Variants in PGM3 observed in about 807,000 individuals in gnomAD.
PGM3 encodes phosphoacetylglucosamine mutase.
Under a neutral mutation model 66.2 loss-of-function variants are expected in PGM3, and 40 were observed. That is an observed-to-expected ratio of 0.60 (90% CI 0.47 to 0.79). The LOEUF (loss-of-function observed/expected upper bound fraction) is 0.79. Ranked by LOEUF, PGM3 falls within the 30% of genes least tolerant of loss-of-function variation. PGM3 has a pLI of 0.00. For missense variants in PGM3, 537 were observed against 643.4 expected, an observed-to-expected ratio of 0.83 and a Z score of 1.79; for synonymous variants, 191 against 224.2, an observed-to-expected ratio of 0.85 and a Z score of 1.32.
chr6:83,155,988 C>T, the PGM3 span: 2 of 1,614,022 alleles, frequency 1.2e-6, no homozygotes, highest in Non-Finnish European at 1.7e-6. Flanking sequence ...CACTTAATCT[C>T]TTTGCAAACC....
the PGM3 span, chr6:83,148,746 T>C: frequency 6.6e-7 from 1 of 1,516,350 alleles, no homozygotes; most frequent in Non-Finnish European, 8.8e-7. Context: ...GTATAAACTA[T>C]ATTATCTTGC....
chr6:83,169,928 G>C (rs1786741100), intron 12 of PGM3: 1 of 389,958 alleles, frequency 2.6e-6, no homozygotes, highest in Non-Finnish European at 4.9e-6. Flanking sequence ...GCTATCAGTT[G>C]ACTTAGAAAT....
At chr6:83,148,815 ACT>A in the PGM3 span, 1 of 1,554,606 alleles carries the variant, frequency 6.4e-7, no homozygotes, top group Non-Finnish European at 8.6e-7. Flanking sequence ...CTTCTGAAAG[ACT>A]CTATACAACT....
chr6:83,162,474 C>T (rs1784459289), downstream of PGM3, among the ~76,000 whole-genome samples: 1 of 152,092 alleles, frequency 6.6e-6, no homozygotes, highest in African/African-American at 2.4e-5. Context: ...GAACCTTATG[C>T]CTGTTCGCTA....
In PGM3 at chr6:83,165,989, G is replaced by C; in HGVS notation, c.*3245C>G. ...CATTTTTTGGAGCAAGTTTGGCTTT[G>C]GGAAGTGCTTTGGAGCTTCTTTCAG... On this transcript the variant is annotated 3_prime_UTR_variant, in exon 13 of 13. Coordinates refer to ENST00000513973, the MANE Select transcript of PGM3 (RefSeq NM_015599.3). 3.1e-6 allele frequency: 1 copy of C among 327,062 alleles called. No homozygotes were observed. Among genetic ancestry groups the C allele is most frequent in the East Asian group, 7.8e-5 (1 of 12,876 alleles). 20.3% of individuals were successfully genotyped at this position (327,062 alleles called of 1,614,324 possible).
At chr6:83,178,558 A>G (rs997143744) in intron 8 of PGM3, 115 bp downstream of exon 8, 2 of 696,754 alleles carry the variant, frequency 2.9e-6, no homozygotes, top group Non-Finnish European at 5.2e-6. Flanking sequence ...CCTTTACATG[A>G]ACAGCAGCTC....
At chr6:83,175,013 T>C (rs892858780) in intron 9 of PGM3, among the ~76,000 whole-genome samples, 1 of 152,160 alleles carries the variant, frequency 6.6e-6, no homozygotes, top group South Asian at 2.1e-4. Flanking sequence ...AAGAGTCTTA[T>C]CTCATTTGGA....
chr6:83,172,071 G>GAAACA lies in PGM3; in HGVS notation c.1243-17_1243-13dup. 1 of 1,611,554 alleles carries GAAACA rather than the reference G, an allele frequency of 6.2e-7. No individual in the cohort carries two copies. The highest frequency in any genetic ancestry group is 8.5e-7 in the Non-Finnish European group (1 of 1,179,312). ...GCATCACCAGCTGCCTGCAAATGGG[G>GAAACA]AAACAAATGGAAGAAACCACTTAAC... On this transcript the variant is annotated splice_polypyrimidine_tract_variant and intron_variant, in intron 10 of 12. Transcript: ENST00000513973.
rs1424466075 is a variant in PGM3, at chr6:83,173,982, C to T, written c.1242+392G>A. Among the ~76,000 whole-genome samples, 3 of 151,864 alleles carry T rather than the reference C, an allele frequency of 2.0e-5. 1 individual carries two copies. Among genetic ancestry groups the T allele is most frequent in the African/African-American group, 7.3e-5 (3 of 41,204 alleles). ...CGATCTCCTGACCTCGTGATCCGCCCTCCTTGGCCTCCCAAAGGGCTGGGA... is the reference window on the plus strand; with the variant it reads ...CGATCTCCTGACCTCGTGATCCGCCTTCCTTGGCCTCCCAAAGGGCTGGGA... On this transcript the variant is annotated intron_variant, in intron 10 of 12. Transcript: ENST00000513973.
rs187976111 is a variant in PGM3 at position 83,170,644 on chromosome 6, C to G, written c.1366-166G>C. ...ATTTCAACATTTGTGCAACTTTTCT[C>G]TTTTTCTTCAGTCTATAAAGAATTA... On this transcript the variant is annotated intron_variant, in intron 11 of 12. Transcript: ENST00000513973. 3.6e-5 allele frequency: 22 copies of G among 603,310 alleles called. No homozygotes were observed. The East Asian group carries it at 5.9e-4, about 16-fold the overall frequency. The allele number at this position is 603,310 out of a possible 1,614,324, so 37.4% of individuals were successfully genotyped here.
At position 83,180,939 on chromosome 6, in the gene PGM3, T is replaced by C. The variant is rs945348539; in HGVS notation, c.787+797A>G. 2.6e-5 allele frequency among the ~76,000 whole-genome samples: 4 copies of C among 152,220 alleles called. No homozygotes were observed. The East Asian group carries it at 7.7e-4, about 29-fold the overall frequency. On this transcript the variant is annotated intron_variant, in intron 6 of 12. Coordinates refer to ENST00000513973, the MANE Select transcript of PGM3 (RefSeq NM_015599.3). ...ATCTGACTGTAGTGGACTAATGCCA[T>C]GTGTGAACATTTTCTGATTTTGGTA...
chr6:83,179,331 C>G (rs1788007369), intron 7 of PGM3, among the ~76,000 whole-genome samples: 1 of 149,836 alleles, frequency 6.7e-6, no homozygotes, highest in Admixed American at 6.7e-5. Flanking sequence ...AAAAAAAAAT[C>G]TATTAAATTC....
chr6:83,152,002 A>T, the PGM3 span: 1 of 1,614,000 alleles, frequency 6.2e-7, no homozygotes, highest in Non-Finnish European at 8.5e-7. Context: ...TGGTAGATGG[A>T]ACCAATTTGG....
At chr6:83,182,023 T>C in intron 5 of PGM3, 92 bp from the exon 6 acceptor site, 1 of 613,664 alleles carries the variant, frequency 1.6e-6, no homozygotes, top group Non-Finnish European at 2.6e-6. Context: ...CATATGTAAA[T>C]ATTTAGTTAA....
chr6:83,192,392 C>A, intron 1 of PGM3, among the ~76,000 whole-genome samples: 1 of 152,222 alleles, frequency 6.6e-6, no homozygotes. Flanking sequence ...CCATATACTA[C>A]ATTTCCTGGG....
Position 83,172,702 on chromosome 6 carries a change from G to A in PGM3, c.1243-643C>T, listed in dbSNP as rs532876302. Among the ~76,000 whole-genome samples the A allele has an allele frequency of 2.6e-5, 4 of 152,094 alleles. No individual in the cohort carries two copies. In the East Asian group the frequency reaches 7.7e-4, roughly 29 times the overall value. On this transcript the variant is annotated intron_variant, in intron 10 of 12. Coordinates refer to ENST00000513973, the MANE Select transcript of PGM3 (RefSeq NM_015599.3). ...CAACAAAAAAAACCCACTAAAGGCA[G>A]GCCCGCAGTTCATTCAGCATCCCCA...
rs539449850 is a variant in PGM3, at chr6:83,165,605, T to C, written c.*3629A>G. ...CCATGCTTCCAAATTTGACGAACTC[T>C]TGGAAAGCATTTTCTGTGTCCTGCT... On this transcript the variant is annotated 3_prime_UTR_variant, in exon 13 of 13. Coordinates refer to ENST00000513973, the MANE Select transcript of PGM3 (RefSeq NM_015599.3). The C allele has an allele frequency of 2.2e-5, 4 of 178,674 alleles. No homozygotes were observed. The South Asian group carries it at 4.9e-4, about 22-fold the overall frequency. 11.1% of individuals were successfully genotyped at this position (178,674 alleles called of 1,614,324 possible). A position where few individuals can be genotyped will look rare whatever the true frequency, so the allele number is the denominator to read the frequency against.
intron 8 of PGM3, among the ~76,000 whole-genome samples, chr6:83,176,500 A>C (rs1787781947): frequency 6.6e-6 from 1 of 152,220 alleles, no homozygotes; most frequent in East Asian, 1.9e-4. Context: ...GACCATACAT[A>C]AACAAATCAA....
chr6:83,170,155 G>A, intron 12 of PGM3, 150 bp downstream of exon 12: 1 of 662,466 alleles, frequency 1.5e-6, no homozygotes, highest in Non-Finnish European at 2.5e-6. Context: ...TACTGCTGGT[G>A]AAAATAATTT....
Sources: allele counts gnomAD v4.1 joint callset (sites outside exome capture counted in the v4.1 genomes callset), GRCh38; gene constraint gnomAD v4.1.1; transcripts MANE v1.5; gene names NCBI Gene and HGNC (gene_info 2026-07-23, HGNC 2026-07-21).